Variants in HIBADH observed in about 807,000 individuals in gnomAD.
HIBADH encodes the protein 3-hydroxyisobutyrate dehydrogenase, mitochondrial.
Under a neutral mutation model 36.1 loss-of-function variants are expected in HIBADH, and 25 were observed. The ratio of observed to expected loss-of-function variants is 0.69; its 90% CI spans 0.50 to 0.97. The LOEUF is 0.97. Ranked by LOEUF, HIBADH falls within the 50% of genes least tolerant of loss-of-function variation. The pLI, the probability that HIBADH is intolerant of heterozygous loss-of-function variation, is 0.00. For missense variants in HIBADH, 421 were observed against 418.0 expected, an observed-to-expected ratio of 1.01 and a Z score of -0.06; for synonymous variants, 160 against 149.5, an observed-to-expected ratio of 1.07 and a Z score of -0.51.
intron 4 of HIBADH, among the ~76,000 whole-genome samples, chr7:27,607,208 T>C (rs1785243522): frequency 6.6e-6 from 1 of 152,136 alleles, no homozygotes; most frequent in Admixed American, 6.5e-5. Flanking sequence ...TTCTAAATGC[T>C]GTATTTAAAA....
rs1784380760 is a variant in HIBADH, at chr7:27,555,755, A to T, written c.485-12655T>A. On this transcript the variant is annotated intron_variant, in intron 4 of 7. Transcript: ENST00000265395. ...TCAAGAAGTTCAGGCATATAAAAAAAGTACCCAGCCAGTCAAAATCTAGAG... is the reference window on the plus strand; with the variant it reads ...TCAAGAAGTTCAGGCATATAAAAAATGTACCCAGCCAGTCAAAATCTAGAG... Among the ~76,000 whole-genome samples, 3 of 152,354 alleles carry T rather than the reference A, an allele frequency of 2.0e-5. No individual in the cohort carries two copies. The South Asian group carries it at 6.2e-4, about 32-fold the overall frequency.
intron 4 of HIBADH, among the ~76,000 whole-genome samples, chr7:27,580,458 GAA>G (rs1361036157): frequency 6.6e-6 from 1 of 152,144 alleles, no homozygotes; most frequent in Non-Finnish European, 1.5e-5. Flanking sequence ...AAAATGCTAG[GAA>G]AAGTTTTCAG....
intron 2 of HIBADH, among the ~76,000 whole-genome samples, chr7:27,638,308 C>CAAAAAAAAAAAAAAAAAAAAAA (rs368715218): frequency 2.9e-4 from 16 of 55,468 alleles, no homozygotes; most frequent in African/African-American, 7.4e-4. Flanking sequence ...TTGGCAAAGT[C>CAAAAAAAAAAAAAAAAAAAAAA]AAAAAAAAAA....
chr7:27,574,541 A>AAGTT (rs1393624660), intron 4 of HIBADH, among the ~76,000 whole-genome samples: 2 of 152,170 alleles, frequency 1.3e-5, no homozygotes, highest in Non-Finnish European at 2.9e-5. Flanking sequence ...ACAAGCTTGC[A>AAGTT]AGTTAGCTTC....
intron 4 of HIBADH, among the ~76,000 whole-genome samples, chr7:27,555,034 GACAA>G (rs1226756633): frequency 2.2e-4 from 34 of 152,252 alleles, no homozygotes; most frequent in African/African-American, 7.9e-4. Context: ...TTTGCGTGAG[GACAA>G]AGGACACAGT....
At chr7:27,634,197 T>C (rs1304714616) in intron 2 of HIBADH, among the ~76,000 whole-genome samples, 1 of 152,032 alleles carries the variant, frequency 6.6e-6, no homozygotes, top group Non-Finnish European at 1.5e-5. Context: ...TCTCAGACCC[T>C]AAAACAACAA....
At chr7:27,574,076 G>C (rs1784667730) in intron 4 of HIBADH, among the ~76,000 whole-genome samples, 1 of 152,114 alleles carries the variant, frequency 6.6e-6, no homozygotes, top group African/African-American at 2.4e-5. Flanking sequence ...AGCTAGAGCT[G>C]GTTTTACTGA....
chr7:27,587,732 T>C (rs181281107), intron 4 of HIBADH, among the ~76,000 whole-genome samples: 5 of 152,298 alleles, frequency 3.3e-5, no homozygotes, highest in African/African-American at 1.2e-4. Context: ...GATTTGAAGG[T>C]TGAGATGAGT....
intron 4 of HIBADH, among the ~76,000 whole-genome samples, chr7:27,554,898 A>G (rs1001685988): frequency 3.3e-5 from 5 of 151,956 alleles, no homozygotes; most frequent in African/African-American, 1.2e-4. Flanking sequence ...GAGGGTGCCA[A>G]CTCCTACAAT....
At chr7:27,534,424 G>C (rs1784044693) in intron 6 of HIBADH, among the ~76,000 whole-genome samples, 1 of 152,118 alleles carries the variant, frequency 6.6e-6, no homozygotes, top group South Asian at 2.1e-4. Context: ...TGCTACACGT[G>C]CAGCGAAGGA....
intron 4 of HIBADH, among the ~76,000 whole-genome samples, chr7:27,556,745 T>G (rs1784393650): frequency 6.6e-6 from 1 of 152,206 alleles, no homozygotes; most frequent in East Asian, 1.9e-4. Context: ...TAACTCTGTC[T>G]CCCAGTCTGT....
At chr7:27,578,817 C>T (rs2128189048) in intron 4 of HIBADH, among the ~76,000 whole-genome samples, 1 of 152,202 alleles carries the variant, frequency 6.6e-6, no homozygotes, top group South Asian at 2.1e-4. Flanking sequence ...AAAGCAGGTG[C>T]AAGCAGGCAG....
intron 1 of HIBADH, among the ~76,000 whole-genome samples, chr7:27,661,775 A>G (rs1297071638): frequency 6.6e-6 from 1 of 152,180 alleles, no homozygotes; most frequent in Non-Finnish European, 1.5e-5. Context: ...AGACAACGGC[A>G]GTGCCCCCAC....
In HIBADH at chr7:27,660,846, C is replaced by G. The variant is rs560201857; in HGVS notation, c.91+1852G>C. The stretch of plus-strand genomic sequence containing the variant: ...TAATCAGCACTCTGAGGTAGGCCCT[C>G]CCAGTTTACAGAGGCACGTATTACA... On this transcript the variant is annotated intron_variant, in intron 1 of 7. Coordinates refer to ENST00000265395, the MANE Select transcript of HIBADH (RefSeq NM_152740.4). Among the ~76,000 whole-genome samples the G allele has an allele frequency of 3.9e-5, 6 of 152,270 alleles. No individual in the cohort carries two copies. In the South Asian group the frequency reaches 1.2e-3, roughly 32 times the overall value.
At chr7:27,618,332 T>G (rs1156775638) in intron 4 of HIBADH, among the ~76,000 whole-genome samples, 1 of 152,206 alleles carries the variant, frequency 6.6e-6, no homozygotes, top group Non-Finnish European at 1.5e-5. Context: ...CTGTATAGCA[T>G]GGCAGCATTG....
chr7:27,637,341 T>G (rs928999311), intron 2 of HIBADH, among the ~76,000 whole-genome samples: 1 of 152,248 alleles, frequency 6.6e-6, no homozygotes, highest in African/African-American at 2.4e-5. Flanking sequence ...TCGCAATTTA[T>G]TGATTCAAAA....
intron 4 of HIBADH, among the ~76,000 whole-genome samples, chr7:27,546,080 G>A (rs747481472): frequency 1.5e-4 from 23 of 152,120 alleles, no homozygotes; most frequent in Non-Finnish European, 3.2e-4. Context: ...GTGAATATGT[G>A]AATGTATGCT....
chr7:27,580,007 CTGTT>C (rs1344989928), intron 4 of HIBADH, among the ~76,000 whole-genome samples: 1 of 151,860 alleles, frequency 6.6e-6, no homozygotes, highest in Non-Finnish European at 1.5e-5. Context: ...ACATGAGAGT[CTGTT>C]TGAACAGCCA....
chr7:27,538,231 G>A, intron 6 of HIBADH, 110 bp downstream of exon 6: 1 of 819,398 alleles, frequency 1.2e-6, no homozygotes, highest in Non-Finnish European at 1.9e-6. Flanking sequence ...CTTTCAAAAT[G>A]TTCTTGGATC....
Sources: gnomAD v4.1 joint callset for allele counts (sites outside exome capture counted in the v4.1 genomes callset) on GRCh38, gnomAD v4.1.1 for gene constraint, MANE v1.5 for transcripts, NCBI Gene and HGNC (gene_info 2026-07-23, HGNC 2026-07-21) for gene names.